The following SMARCA2 variants were observed in gnomAD, a reference collection of about 807,000 sequenced individuals.
SMARCA2 encodes the protein SWI/SNF related BAF chromatin remodeling complex subunit ATPase 2.
SMARCA2 carries 61 observed loss-of-function variants against 199.8 expected under a neutral mutation model. The observed-to-expected ratio is 0.31, with a 90% confidence interval of 0.25 to 0.38. SMARCA2 has a LOEUF of 0.38. SMARCA2 is among the 10% of genes least tolerant of loss of function. SMARCA2 has a pLI of 1.00. For synonymous variants in SMARCA2, 935 were observed against 732.0 expected, an observed-to-expected ratio of 1.28 and a Z score of -4.48; for missense variants, 1,344 against 2,012.2, an observed-to-expected ratio of 0.67 and a Z score of 6.35.
intron 14 of SMARCA2, 116 bp from the exon 15 acceptor site, chr9:2,081,699 CCCCATTTTCCTACTGTG>C: frequency 1.5e-6 from 1 of 679,460 alleles, no homozygotes; most frequent in Non-Finnish European, 2.5e-6. Flanking sequence ...TTGGTGCTTC[CCCCATTTTCCTACTGTG>C]GGAAACCCAA....
chr9:2,047,208 C>T (rs1429138619), intron 4 of SMARCA2, 21 bp from the exon 5 acceptor site: 6 of 1,012,742 alleles, frequency 5.9e-6, no homozygotes, highest in East Asian at 8.5e-5. Flanking sequence ...CCGAGCTGCC[C>T]ATGTCGCTCT....
At chr9:2,030,381 C>T (rs1411606769) in intron 2 of SMARCA2, among the ~76,000 whole-genome samples, 1 of 151,774 alleles carries the variant, frequency 6.6e-6, no homozygotes, top group African/African-American at 2.4e-5. Context: ...GATGTGAGTT[C>T]CAGTGATGTG....
In SMARCA2 at chr9:2,181,680, G is replaced by T; in HGVS notation, c.4359+4G>T. 7.5e-7 allele frequency: 1 copy of T among 1,332,100 alleles called. No individual in the cohort carries two copies. Among genetic ancestry groups the T allele is most frequent in the Non-Finnish European group, 1.1e-6 (1 of 923,578 alleles). 82.5% of individuals were successfully genotyped at this position (1,332,100 alleles called of 1,614,324 possible). ...AGTGGATTTCAAAAAAATAAAGGTAGATATTTTGTTTACCAACTTTATTCT... is the reference window on the plus strand; with the variant it reads ...AGTGGATTTCAAAAAAATAAAGGTATATATTTTGTTTACCAACTTTATTCT... On this transcript the variant is annotated splice_donor_region_variant and intron_variant, in intron 30 of 33. Coordinates refer to ENST00000349721, the MANE Select transcript of SMARCA2 (RefSeq NM_003070.5).
chr9:2,090,823 A>G (rs1347715475), intron 19 of SMARCA2, among the ~76,000 whole-genome samples: 2 of 151,290 alleles, frequency 1.3e-5, no homozygotes, highest in Non-Finnish European at 2.9e-5. Context: ...GGCTGGGCTG[A>G]TGTTCATTTT....
chr9:2,183,156 G>A (rs547486197), intron 31 of SMARCA2, among the ~76,000 whole-genome samples: 1 of 152,280 alleles, frequency 6.6e-6, no homozygotes, highest in East Asian at 1.9e-4. Context: ...CTGAAAGGCT[G>A]GCAGTACCAT....
chr9:2,081,755 C>A (rs1244112966), intron 14 of SMARCA2, 77 bp from the exon 15 acceptor site: 79 of 1,342,162 alleles, frequency 5.9e-5, no homozygotes, highest in Non-Finnish European at 8.1e-5. Flanking sequence ...TAAGAAGTCA[C>A]ACCCTCACTT....
intron 27 of SMARCA2, chr9:2,160,235 T>C: frequency 2.6e-6 from 1 of 381,324 alleles, no homozygotes; most frequent in Non-Finnish European, 4.7e-6. Context: ...TTCCTTTTCC[T>C]TTTTCCTCAT....
At chr9:2,191,208 A>C in intron 32 of SMARCA2, 58 bp from the exon 33 acceptor site, 1 of 1,549,312 alleles carries the variant, frequency 6.5e-7, no homozygotes, top group Non-Finnish European at 8.9e-7. Context: ...CTTACCACCT[A>C]TACAAAGATC....
chr9:2,131,659 C>A (rs59725148), intron 27 of SMARCA2, among the ~76,000 whole-genome samples: 3 of 152,164 alleles, frequency 2.0e-5, no homozygotes, highest in Non-Finnish European at 4.4e-5. Flanking sequence ...TTGGGGTTTT[C>A]TTCTTCCCAA....
Position 2,029,145 on chromosome 9 carries a change from C to T in SMARCA2, c.123C>T (p.His41=). Reference sequence around the variant, plus strand: ...CAGGACCATCCCCAGGTTCCGTCCACAGCATGATGGGGCCAAGTCCTGGAC... The same window carrying T: ...CAGGACCATCCCCAGGTTCCGTCCATAGCATGATGGGGCCAAGTCCTGGAC... ...PGPGPSPGSV[H]SMMGPSPGPP... Residue 41 remains histidine (H), a synonymous_variant, in exon 2 of 34, where the codon CAC becomes CAT. Coordinates refer to ENST00000349721, the MANE Select transcript of SMARCA2 (RefSeq NM_003070.5). The T allele has an allele frequency of 1.2e-6, 2 of 1,612,682 alleles. No homozygotes were observed. The highest frequency in any genetic ancestry group is 1.7e-6 in the Non-Finnish European group (2 of 1,179,378).
At chr9:2,150,949 C>G (rs1000937981) in intron 27 of SMARCA2, among the ~76,000 whole-genome samples, 5 of 151,544 alleles carry the variant, frequency 3.3e-5, no homozygotes, top group African/African-American at 9.7e-5. Flanking sequence ...CATTTTAACT[C>G]TTTAAAAGCC....
chr9:2,039,590 T>A lies in SMARCA2; in HGVS notation c.480T>A (p.Asp160Glu). 1 of 1,614,164 alleles carries A rather than the reference T, an allele frequency of 6.2e-7. No homozygotes were observed. Among genetic ancestry groups the A allele is most frequent in the Non-Finnish European group, 8.5e-7 (1 of 1,180,030 alleles). Residue 160 changes from aspartate to glutamate, a missense_variant, in exon 4 of 34, where the codon GAT becomes GAA. Around this residue, in one of 18 missense-constraint regions of SMARCA2, gnomAD observed 275 missense variants for 247.5 expected, o/e 1.11. Coordinates refer to ENST00000349721, the MANE Select transcript of SMARCA2 (RefSeq NM_003070.5). This position sits in a 1 kb window ranked among gnomAD's most constrained non-coding sequence, Gnocchi z 4.8. ...AGCCGGGGGCCCTCATCCCAGGTGA[T>A]CCGCAGGCCATGAGCCAGCCCAACA... ...PSQPGALIPG[D>E]PQAMSQPNRG...
intron 31 of SMARCA2, among the ~76,000 whole-genome samples, chr9:2,185,597 A>G (rs1024068545): frequency 5.3e-5 from 8 of 152,186 alleles, no homozygotes; most frequent in Non-Finnish European, 7.3e-5. Context: ...TTTTGAACTT[A>G]TATCTTTCAG....
In SMARCA2 at chr9:2,154,117, C is replaced by T. The variant is rs369310296; in HGVS notation, c.3982-7569C>T. On this transcript the variant is annotated intron_variant, in intron 27 of 33. Coordinates refer to ENST00000349721, the MANE Select transcript of SMARCA2 (RefSeq NM_003070.5). ...TGATCTGGAACAAGATGCTATATCT[C>T]TCTGTGCCTCAGTTTCCTCATCTGC... 2.6e-5 allele frequency among the ~76,000 whole-genome samples: 4 copies of T among 152,194 alleles called. No homozygotes were observed. The South Asian group carries it at 8.3e-4, about 31-fold the overall frequency.
intron 9 of SMARCA2, among the ~76,000 whole-genome samples, chr9:2,063,272 C>T (rs533924371): frequency 1.3e-5 from 2 of 152,260 alleles, no homozygotes; most frequent in East Asian, 3.9e-4. Flanking sequence ...TAGTTCAGAG[C>T]GAATTATCCA....
At chr9:2,021,640 T>C (rs1316006452) in intron 1 of SMARCA2, among the ~76,000 whole-genome samples, 1 of 152,212 alleles carries the variant, frequency 6.6e-6, no homozygotes, top group Non-Finnish European at 1.5e-5. Flanking sequence ...CACAATTATT[T>C]TGTGGCTTGC....
chr9:2,157,802 T>A (rs1192698439), intron 27 of SMARCA2: 2 of 397,962 alleles, frequency 5.0e-6, no homozygotes, highest in Non-Finnish European at 8.9e-6. Flanking sequence ...GAACCACGCA[T>A]AACAGCAATT....
At chr9:2,063,637 TTACTC>T (rs1820697216) in intron 9 of SMARCA2, among the ~76,000 whole-genome samples, 1 of 152,204 alleles carries the variant, frequency 6.6e-6, no homozygotes, top group Non-Finnish European at 1.5e-5. Flanking sequence ...AAGCTACTGA[TTACTC>T]TAAGAAATGT....
At chr9:2,084,891 C>T (rs550008941) in intron 17 of SMARCA2, among the ~76,000 whole-genome samples, 4 of 152,252 alleles carry the variant, frequency 2.6e-5, no homozygotes, top group East Asian at 3.9e-4. Flanking sequence ...TCTTCTAATA[C>T]GTTCATGTAG....
Sources: gnomAD v4.1 joint callset for allele counts (sites outside exome capture counted in the v4.1 genomes callset) on GRCh38, gnomAD v4.1.1 for gene constraint, gnomAD v4.1.1 regional missense constraint, Gnocchi (gnomAD v3.1) non-coding constraint, MANE v1.5 for transcripts, NCBI Gene and HGNC (gene_info 2026-07-23, HGNC 2026-07-21) for gene names.